The following NR3C1 variants were observed in gnomAD, a reference collection of about 807,000 sequenced individuals.
NR3C1 encodes glucocorticoid receptor.
NR3C1 carries 14 observed loss-of-function variants against 74.0 expected under a neutral mutation model. That is an observed-to-expected ratio of 0.19 (90% confidence interval 0.12 to 0.30). NR3C1 has a LOEUF of 0.30. Among genes scored for constraint, NR3C1 ranks in the 10% least tolerant of loss-of-function variants. NR3C1 has a pLI of 1.00. For missense variants in NR3C1, 695 were observed against 909.8 expected, an observed-to-expected ratio of 0.76 and a Z score of 3.04; for synonymous variants, 308 against 332.5, an observed-to-expected ratio of 0.93 and a Z score of 0.80.
intron 1 of NR3C1, among the ~76,000 whole-genome samples, chr5:143,430,562 A>G (rs1353465254): frequency 6.6e-6 from 1 of 152,226 alleles, no homozygotes; most frequent in Non-Finnish European, 1.5e-5. Flanking sequence ...TAATTAGGTC[A>G]TGAAGGTGGA....
intron 1 of NR3C1, among the ~76,000 whole-genome samples, chr5:143,427,210 C>A (rs916069026): frequency 1.3e-5 from 2 of 151,968 alleles, no homozygotes; most frequent in Non-Finnish European, 2.9e-5. Flanking sequence ...CATTTCACTC[C>A]AGATATAGCT....
chr5:143,361,093 T>C (rs1600259356), intron 2 of NR3C1, among the ~76,000 whole-genome samples: 1 of 152,220 alleles, frequency 6.6e-6, no homozygotes, highest in East Asian at 1.9e-4. Flanking sequence ...GGTATTTAGT[T>C]TGAAAACAGT....
Position 143,403,295 on chromosome 5 carries a change from G to C in NR3C1, c.-98C>G. 1.3e-5 allele frequency: 13 copies of C among 984,698 alleles called. No individual in the cohort carries two copies. The highest frequency in any genetic ancestry group is 1.4e-5 in the Non-Finnish European group (12 of 829,296). 61.0% of individuals were successfully genotyped at this position (984,698 alleles called of 1,614,324 possible). ...ACAACTTAGCTTGTGAACGCAGAAG[G>C]AGCAGGAGGGAAATATATTTTTTTT... On this transcript the variant is annotated 5_prime_UTR_variant, in exon 1 of 9. Coordinates refer to ENST00000394464, the MANE Select transcript of NR3C1 (RefSeq NM_000176.3).
At position 143,300,907 on chromosome 5, in the gene NR3C1, GA is replaced by G; in HGVS notation, c.1469-145del. 1 of 973,782 alleles carries G rather than the reference GA, an allele frequency of 1.0e-6. No individual in the cohort carries two copies. The highest frequency in any genetic ancestry group is 1.5e-6 in the Non-Finnish European group (1 of 688,448). The allele number at this position is 973,782 out of a possible 1,614,324, so 60.3% of individuals were successfully genotyped here. ...TTAGCAATTATGATAAAGTGACATG[GA>G]AAAGGAGAAAAAACTTTTTTTTTTC... On this transcript the variant is annotated intron_variant, in intron 4 of 8. Transcript: ENST00000394464. This position sits in a 1 kb window ranked among gnomAD's most constrained non-coding sequence, Gnocchi z 5.2.
chr5:143,403,929 C>G (rs1187123447), upstream of NR3C1: 2 of 984,024 alleles, frequency 2.0e-6, no homozygotes, highest in African/African-American at 1.8e-5. Context: ...CCGCGCTTCG[C>G]CCCCCGCCCC....
intron 2 of NR3C1, among the ~76,000 whole-genome samples, chr5:143,318,638 G>A (rs1561553746): frequency 2.0e-5 from 3 of 152,026 alleles, no homozygotes; most frequent in African/African-American, 7.2e-5. Context: ...TTTCCTTAAA[G>A]TGCTAAGTTT....
intron 2 of NR3C1, among the ~76,000 whole-genome samples, chr5:143,390,315 T>A (rs1243019968): frequency 6.6e-6 from 1 of 152,200 alleles, no homozygotes; most frequent in Non-Finnish European, 1.5e-5. Flanking sequence ...TTTATGAGTA[T>A]AAATAACTTC....
chr5:143,419,988 G>T (rs1283117478), intron 1 of NR3C1, among the ~76,000 whole-genome samples: 1 of 152,068 alleles, frequency 6.6e-6, no homozygotes, highest in South Asian at 2.1e-4. Context: ...TCTTTCTCAG[G>T]GATGTTCCTT....
intron 2 of NR3C1, among the ~76,000 whole-genome samples, chr5:143,348,686 G>A (rs973211567): frequency 6.6e-6 from 1 of 152,150 alleles, no homozygotes. Context: ...AGAAGACTAT[G>A]ATGTACCTTA....
intron 2 of NR3C1, among the ~76,000 whole-genome samples, chr5:143,378,872 T>TTA (rs1421829579): frequency 6.6e-6 from 1 of 152,160 alleles, no homozygotes; most frequent in East Asian, 1.9e-4. Flanking sequence ...AAAACCTGAT[T>TTA]TATAGGAGTG....
At chr5:143,331,655 A>G (rs761021901) in intron 2 of NR3C1, among the ~76,000 whole-genome samples, 1 of 152,222 alleles carries the variant, frequency 6.6e-6, no homozygotes, top group Non-Finnish European at 1.5e-5. Context: ...GCTGGCAGCC[A>G]TTATCCTAAG....
At chr5:143,358,068 T>C (rs1831499405) in intron 2 of NR3C1, among the ~76,000 whole-genome samples, 1 of 152,262 alleles carries the variant, frequency 6.6e-6, no homozygotes, top group African/African-American at 2.4e-5. Flanking sequence ...CGTTAAGTTA[T>C]TGTGTACTAC....
chr5:143,396,868 A>G (rs61751173), intron 2 of NR3C1, among the ~76,000 whole-genome samples: 7,728 of 151,896 alleles, frequency 0.051, 297 homozygotes, highest in Non-Finnish European at 0.083. Context: ...TCTGTCATTA[A>G]TGCTTAAATG....
intron 2 of NR3C1, among the ~76,000 whole-genome samples, chr5:143,360,963 A>T (rs1236351959): frequency 6.6e-6 from 1 of 152,226 alleles, no homozygotes; most frequent in Non-Finnish European, 1.5e-5. Context: ...ATCACAACAT[A>T]TTAAATACAA....
At chr5:143,336,114 G>C (rs1318451193) in intron 2 of NR3C1, among the ~76,000 whole-genome samples, 1 of 152,158 alleles carries the variant, frequency 6.6e-6, no homozygotes, top group East Asian at 1.9e-4. Flanking sequence ...AGTCCATTGA[G>C]GACATAGCTA....
intron 1 of NR3C1, among the ~76,000 whole-genome samples, chr5:143,423,623 G>T (rs1751352045): frequency 6.6e-6 from 1 of 152,066 alleles, no homozygotes; most frequent in African/African-American, 2.4e-5. Flanking sequence ...ATACCCAAAA[G>T]AAAGAAAATC....
intron 4 of NR3C1, among the ~76,000 whole-genome samples, chr5:143,306,793 G>A (rs116925891): frequency 1.0e-4 from 15 of 149,126 alleles, no homozygotes; most frequent in Non-Finnish European, 1.8e-4. Flanking sequence ...AACTGGATAC[G>A]TTATACTGAC....
At chr5:143,411,565 A>G (rs1360541293) in intron 1 of NR3C1, among the ~76,000 whole-genome samples, 1 of 152,136 alleles carries the variant, frequency 6.6e-6, no homozygotes. Flanking sequence ...GATTTTGCCA[A>G]ACGTGTTTGA....
intron 1 of NR3C1, chr5:143,402,532 A>G: frequency 1.1e-6 from 1 of 937,384 alleles, no homozygotes; most frequent in Non-Finnish European, 1.3e-6. Context: ...AACGCTAAAG[A>G]GCAAGCCCTT....
Sources: allele counts gnomAD v4.1 joint callset (sites outside exome capture counted in the v4.1 genomes callset), GRCh38; gene constraint gnomAD v4.1.1; non-coding constraint Gnocchi (gnomAD v3.1); transcripts MANE v1.5; gene names NCBI Gene and HGNC (gene_info 2026-07-23, HGNC 2026-07-21).